Variants in LYN observed in about 807,000 individuals in gnomAD.
The protein encoded by LYN is tyrosine-protein kinase Lyn.
LYN carries 12 observed loss-of-function variants against 65.0 expected under a neutral mutation model. The observed-to-expected ratio is 0.18, with a 90% confidence interval of 0.12 to 0.30. LYN has a LOEUF of 0.30. Ranked by LOEUF, LYN falls within the 10% of genes least tolerant of loss-of-function variation. LYN has a pLI of 1.00. For synonymous variants in LYN, 222 were observed against 221.2 expected (o/e 1.00, Z -0.03); for missense variants, 380 against 623.2 (o/e 0.61, Z 4.16).
In LYN at chr8:55,880,103, G is replaced by A. The variant is rs1804605884; in HGVS notation, c.-6G>A. 6.9e-6 allele frequency: 2 copies of A among 289,186 alleles called. No individual in the cohort carries two copies. The highest frequency in any genetic ancestry group is 4.5e-5 in the Admixed American group (1 of 22,298). 17.9% of individuals were successfully genotyped at this position (289,186 alleles called of 1,614,324 possible). On this transcript the variant is annotated splice_region_variant and 5_prime_UTR_variant, in exon 1 of 13. Coordinates refer to ENST00000519728, the MANE Select transcript of LYN (RefSeq NM_002350.4). ...CGCCCCGAAACTTTCACCGCGAGCG[G>A]GTGAGTCCTCTGCGCGAGCCCAGGG...
At chr8:55,911,885 C>T (rs995397402) in intron 1 of LYN, among the ~76,000 whole-genome samples, 2 of 152,068 alleles carry the variant, frequency 1.3e-5, no homozygotes, top group Non-Finnish European at 2.9e-5. Context: ...GAGTGGGTTT[C>T]AAGTGTGTTG....
At chr8:55,986,876 C>A (rs538447770) in intron 10 of LYN, among the ~76,000 whole-genome samples, 25 of 152,272 alleles carry the variant, frequency 1.6e-4, no homozygotes, top group Middle Eastern at 6.8e-3. Context: ...CAAGCATGTG[C>A]CACTACACCC....
intron 1 of LYN, among the ~76,000 whole-genome samples, chr8:55,936,270 GCTCT>G (rs781654715): frequency 6.6e-6 from 1 of 152,108 alleles, no homozygotes; most frequent in Non-Finnish European, 1.5e-5. Context: ...GTCTTTCTAA[GCTCT>G]CTAATTCAGA....
intron 1 of LYN, among the ~76,000 whole-genome samples, chr8:55,880,417 T>A (rs1039292534): frequency 7.2e-4 from 110 of 152,036 alleles, no homozygotes; most frequent in Admixed American, 3.4e-3. Flanking sequence ...TCACCGCGTG[T>A]CCTTCCCGGT....
intron 9 of LYN, 114 bp from the exon 10 acceptor site, chr8:55,969,602 CA>C (rs1470109493): frequency 1.2e-6 from 1 of 817,902 alleles, no homozygotes; most frequent in African/African-American, 1.7e-5. Context: ...TACAGAATTG[CA>C]AAGCCAATCA....
chr8:55,924,508 G>A (rs1019022541), intron 1 of LYN, among the ~76,000 whole-genome samples: 7 of 150,812 alleles, frequency 4.6e-5, no homozygotes, highest in Non-Finnish European at 1.0e-4. Context: ...GATTACAGGC[G>A]TCCACCCACC....
At chr8:55,973,039 C>A (rs1276223762) in intron 10 of LYN, among the ~76,000 whole-genome samples, 1 of 152,128 alleles carries the variant, frequency 6.6e-6, no homozygotes, top group Non-Finnish European at 1.5e-5. Context: ...GTAGAAATAA[C>A]CCAGTTTACT....
intron 1 of LYN, among the ~76,000 whole-genome samples, chr8:55,919,829 G>C (rs947249843): frequency 6.6e-6 from 1 of 151,948 alleles, no homozygotes; most frequent in Non-Finnish European, 1.5e-5. Flanking sequence ...TGTGAGGCTC[G>C]GGAAATGGCT....
chr8:55,929,650 C>G (rs140494188), intron 1 of LYN, among the ~76,000 whole-genome samples: 1 of 152,258 alleles, frequency 6.6e-6, no homozygotes, highest in African/African-American at 2.4e-5. Flanking sequence ...TTTTGGTTGT[C>G]ACAACTGGTA....
At chr8:55,927,370 C>T (rs1009303989) in intron 1 of LYN, among the ~76,000 whole-genome samples, 1 of 152,148 alleles carries the variant, frequency 6.6e-6, no homozygotes, top group African/African-American at 2.4e-5. Flanking sequence ...TGGCTTCTTT[C>T]ACTTAGTAAT....
chr8:55,918,989 AGTT>A (rs1283007681), intron 1 of LYN, among the ~76,000 whole-genome samples: 5 of 130,902 alleles, frequency 3.8e-5, no homozygotes, highest in Non-Finnish European at 7.8e-5. Flanking sequence ...GCATGAGCTC[AGTT>A]GTTCGAGACC....
chr8:55,920,853 C>T (rs55833123), intron 1 of LYN, among the ~76,000 whole-genome samples: 5,576 of 150,886 alleles, frequency 0.037, 101 homozygotes, highest in African/African-American at 0.052. Flanking sequence ...TGTGCTACCA[C>T]GCCTGGCTAA....
intron 6 of LYN, 133 bp from the exon 7 acceptor site, chr8:55,951,833 T>A (rs1042211882): frequency 1.5e-6 from 1 of 663,936 alleles, no homozygotes; most frequent in Non-Finnish European, 2.4e-6. Flanking sequence ...CTTTTAAAAT[T>A]ATGCATTTTA....
At chr8:55,909,537 A>G (rs963401801) in intron 1 of LYN, among the ~76,000 whole-genome samples, 1 of 152,180 alleles carries the variant, frequency 6.6e-6, no homozygotes, top group African/African-American at 2.4e-5. Context: ...TATCTTTGCT[A>G]TTCTGAATAG....
At chr8:55,989,955 T>G (rs1808197798) in intron 10 of LYN, among the ~76,000 whole-genome samples, 1 of 152,122 alleles carries the variant, frequency 6.6e-6, no homozygotes. Flanking sequence ...AATTTCCTGA[T>G]TGGCCAGGCA....
At chr8:55,977,927 A>G (rs1807802699) in intron 10 of LYN, among the ~76,000 whole-genome samples, 1 of 152,130 alleles carries the variant, frequency 6.6e-6, no homozygotes, top group African/African-American at 2.4e-5. Flanking sequence ...CTCTAAAAAA[A>G]CAAAACAAAA....
intron 1 of LYN, among the ~76,000 whole-genome samples, chr8:55,890,202 C>G (rs1804918668): frequency 6.7e-6 from 1 of 150,152 alleles, no homozygotes; most frequent in African/African-American, 2.4e-5. Flanking sequence ...GTCTCAACTA[C>G]TCAGGAGACT....
At chr8:55,986,189 C>CCA (rs1808068296) in intron 10 of LYN, among the ~76,000 whole-genome samples, 1 of 150,718 alleles carries the variant, frequency 6.6e-6, no homozygotes, top group Non-Finnish European at 1.5e-5. Flanking sequence ...CCAGAATCCC[C>CCA]CCCGCAAAAA....
intron 1 of LYN, among the ~76,000 whole-genome samples, chr8:55,899,842 G>T (rs1805211287): frequency 6.6e-6 from 1 of 152,056 alleles, no homozygotes; most frequent in Non-Finnish European, 1.5e-5. Flanking sequence ...TAGAGATGGG[G>T]TTTCACCGTG....
Sources: allele counts gnomAD v4.1 joint callset (sites outside exome capture counted in the v4.1 genomes callset), GRCh38; gene constraint gnomAD v4.1.1; transcripts MANE v1.5; gene names NCBI Gene and HGNC (gene_info 2026-07-23, HGNC 2026-07-21).